Variants in DOCK8 observed in about 807,000 individuals in gnomAD.
DOCK8 encodes dedicator of cytokinesis protein 8.
DOCK8 carries 141 observed loss-of-function variants against 245.6 expected under a neutral mutation model. That is an observed-to-expected ratio of 0.57 (90% CI 0.50 to 0.66). The LOEUF is 0.66. Among genes scored for constraint, DOCK8 ranks in the 30% least tolerant of loss-of-function variants. The pLI is 0.00. For missense variants in DOCK8, 2,965 were observed against 2,603.4 expected, an observed-to-expected ratio of 1.14 and a Z score of -3.02; for synonymous variants, 1,168 against 970.2, an observed-to-expected ratio of 1.20 and a Z score of -3.79.
intron 46 of DOCK8, among the ~76,000 whole-genome samples, chr9:460,669 A>C (rs1241356700): frequency 6.6e-6 from 1 of 152,228 alleles, no homozygotes; most frequent in Non-Finnish European, 1.5e-5. Flanking sequence ...GTTCTTTCAG[A>C]TTCTGTGTGA....
chr9:344,137 C>G (rs916009246), intron 14 of DOCK8, among the ~76,000 whole-genome samples: 1 of 152,112 alleles, frequency 6.6e-6, no homozygotes, highest in African/African-American at 2.4e-5. Context: ...GTTAGAAATG[C>G]CAAGGCCACC....
chr9:249,116 A>G (rs1271149687), intron 1 of DOCK8, among the ~76,000 whole-genome samples: 1 of 152,218 alleles, frequency 6.6e-6, no homozygotes, highest in Non-Finnish European at 1.5e-5. Context: ...GACTGCATAT[A>G]GATGAAAGAT....
At position 267,310 on chromosome 9, in the gene DOCK8, A is replaced by G. The variant is rs529983570; in HGVS notation, c.54-4317A>G. Reference sequence around the variant, plus strand: ...AGCCTCAACCTCCCAGGCTCAAGCAATCCTCCCACCTCAGCCCCCTGAGTA... The same window carrying G: ...AGCCTCAACCTCCCAGGCTCAAGCAGTCCTCCCACCTCAGCCCCCTGAGTA... On this transcript the variant is annotated intron_variant, in intron 1 of 47. Coordinates refer to ENST00000432829, the MANE Select transcript of DOCK8 (RefSeq NM_203447.4). Among the ~76,000 whole-genome samples, 10 of 152,304 alleles carry G rather than the reference A, an allele frequency of 6.6e-5. No individual in the cohort carries two copies. In the South Asian group the frequency reaches 1.9e-3, roughly 28 times the overall value.
intron 2 of DOCK8, among the ~76,000 whole-genome samples, chr9:273,509 A>G (rs1299885360): frequency 6.6e-6 from 1 of 152,214 alleles, no homozygotes; most frequent in Non-Finnish European, 1.5e-5. Context: ...TAGATTGGAT[A>G]CACTTTTAAA....
At chr9:452,995 C>A (rs1388147777) in intron 46 of DOCK8, 1 of 152,186 alleles carries the variant, frequency 6.6e-6, no homozygotes, top group East Asian at 1.9e-4. Context: ...ATATTTCTTT[C>A]TATTCAAAAC....
At chr9:388,507 C>G (rs2054049231) in intron 23 of DOCK8, among the ~76,000 whole-genome samples, 2 of 151,652 alleles carry the variant, frequency 1.3e-5, no homozygotes, top group Admixed American at 1.3e-4. Context: ...TTAATGTACG[C>G]AAGAATTAGT....
At position 377,186 on chromosome 9, in the gene DOCK8, G is replaced by A. The variant is rs1586840664; in HGVS notation, c.2415G>A (p.Gln805=). 1.3e-6 allele frequency: 2 copies of A among 1,599,448 alleles called. No individual in the cohort carries two copies. The highest frequency in any genetic ancestry group is 2.2e-5 in the East Asian group (1 of 44,728). Residue 805 remains glutamine, a synonymous_variant, in exon 20 of 48, where the codon CAG becomes CAA. Transcript: ENST00000432829. ...VLDKLFQLSV[Q]PMVIAGQTAN... ...ACAAGCTCTTCCAGCTGTCCGTGCAGCCCATGGTCATCGCTGGCCAGACAG... is the reference window on the plus strand; with the variant it reads ...ACAAGCTCTTCCAGCTGTCCGTGCAACCCATGGTCATCGCTGGCCAGACAG...
At chr9:386,224 G>GA (rs1040790682) in intron 22 of DOCK8, 107 bp from the exon 23 acceptor site, 59 of 937,758 alleles carry the variant, frequency 6.3e-5, no homozygotes, top group Non-Finnish European at 8.4e-5. Flanking sequence ...TTGTAACCAG[G>GA]AAAAAAAATA....
intron 26 of DOCK8, among the ~76,000 whole-genome samples, chr9:402,432 G>T (rs2055155222): frequency 6.6e-6 from 1 of 152,144 alleles, no homozygotes. Flanking sequence ...AAACTAGGCT[G>T]GATTAGATTT....
intron 9 of DOCK8, among the ~76,000 whole-genome samples, chr9:329,655 A>C (rs778013428): frequency 2.0e-5 from 3 of 152,232 alleles, no homozygotes; most frequent in Admixed American, 6.5e-5. Flanking sequence ...CCTGTAGGTA[A>C]GTTCACAATT....
intron 26 of DOCK8, among the ~76,000 whole-genome samples, chr9:400,055 CCACCTCCTT>C (rs2054719973): frequency 9.2e-6 from 1 of 108,388 alleles, no homozygotes; most frequent in Non-Finnish European, 1.8e-5. Context: ...TCCACCATCA[CCACCTCCTT>C]CACCATCACC....
intron 11 of DOCK8, among the ~76,000 whole-genome samples, chr9:335,797 G>T (rs2051281188): frequency 6.6e-6 from 1 of 152,138 alleles, no homozygotes; most frequent in Admixed American, 6.5e-5. Context: ...AGGCAGAATG[G>T]CAAGTTTAGG....
chr9:373,328 T>C (rs1423959294), intron 18 of DOCK8, among the ~76,000 whole-genome samples: 1 of 152,250 alleles, frequency 6.6e-6, no homozygotes, highest in Non-Finnish European at 1.5e-5. Context: ...CATTTTAGTC[T>C]GCATCTTAAA....
chr9:226,896 G>A (rs1455638680), intron 1 of DOCK8, among the ~76,000 whole-genome samples: 2 of 152,182 alleles, frequency 1.3e-5, no homozygotes, highest in African/African-American at 4.8e-5. Context: ...AAAAAATATT[G>A]ATATGATTTT....
At chr9:402,469 G>A (rs2131505220) in intron 26 of DOCK8, among the ~76,000 whole-genome samples, 1 of 152,288 alleles carries the variant, frequency 6.6e-6, no homozygotes, top group East Asian at 1.9e-4. Flanking sequence ...GTCTGTGTCT[G>A]CCAGTGACAT....
At chr9:367,919 A>C in intron 14 of DOCK8, 99 bp from the exon 15 acceptor site, 1 of 1,012,790 alleles carries the variant, frequency 9.9e-7, no homozygotes. Flanking sequence ...CTTCTTTGGA[A>C]AAAGCACCCC....
chr9:379,946 C>A lies in DOCK8; in HGVS notation c.2605+11C>A, dbSNP rs550272588. The stretch of plus-strand genomic sequence containing the variant: ...ATGTGCCCAAGTCAGGTAGAGTTGC[C>A]CTGAGTGTGGGACTCTGGTGGGCGG... On this transcript the variant is annotated intron_variant, in intron 21 of 47. Transcript: ENST00000432829. 3.7e-6 allele frequency: 6 copies of A among 1,613,192 alleles called. No individual in the cohort carries two copies. In the South Asian group the frequency reaches 6.6e-5, roughly 18 times the overall value.
At chr9:214,630 C>A (rs1563811159), upstream of DOCK8, 1 of 1,612,830 alleles carries the variant, frequency 6.2e-7, no homozygotes, top group Non-Finnish European at 8.5e-7. Flanking sequence ...GCGCAGTGGT[C>A]GCCTGTCGTC....
At chr9:372,021 C>T (rs566249514) in intron 17 of DOCK8, among the ~76,000 whole-genome samples, 164 bp from the exon 18 acceptor site, 16 of 152,020 alleles carry the variant, frequency 1.1e-4, no homozygotes, top group African/African-American at 2.7e-4. Flanking sequence ...CAGGAGGTCT[C>T]GGAGATTTAA....
Sources: allele counts gnomAD v4.1 joint callset (sites outside exome capture counted in the v4.1 genomes callset), GRCh38; gene constraint gnomAD v4.1.1; transcripts MANE v1.5; gene names NCBI Gene and HGNC (gene_info 2026-07-23, HGNC 2026-07-21).